The following GTF2IRD1 variants were observed in gnomAD, a reference collection of about 807,000 sequenced individuals.
The protein encoded by GTF2IRD1 is GTF2I repeat domain containing 1.
A neutral mutation model predicts 113.2 loss-of-function variants in GTF2IRD1; 26 were observed. The ratio of observed to expected loss-of-function variants is 0.23; its 90% CI spans 0.17 to 0.32. The LOEUF (loss-of-function observed/expected upper bound fraction) is 0.32. GTF2IRD1 is among the 10% of genes least tolerant of loss of function. The pLI, the probability that GTF2IRD1 is intolerant of heterozygous loss-of-function variation, is 1.00. For missense variants in GTF2IRD1, 864 were observed against 1,280.8 expected (o/e 0.67, Z 4.97); for synonymous variants, 484 against 529.1 (o/e 0.91, Z 1.17).
At chr7:74,546,673 T>G (rs1798961871) in intron 16 of GTF2IRD1, among the ~76,000 whole-genome samples, 1 of 152,062 alleles carries the variant, frequency 6.6e-6, no homozygotes, top group Non-Finnish European at 1.5e-5. Flanking sequence ...AGGCGTGGTG[T>G]TGTGCCACAG....
intron 1 of GTF2IRD1, among the ~76,000 whole-genome samples, chr7:74,481,891 G>A (rs112586471): frequency 1.9e-4 from 29 of 152,328 alleles, no homozygotes; most frequent in South Asian, 6.2e-4. Context: ...TCACCAAATC[G>A]CTTGGCTGGG....
intron 22 of GTF2IRD1, among the ~76,000 whole-genome samples, chr7:74,568,048 A>G (rs1204572814): frequency 2.4e-4 from 36 of 151,942 alleles, no homozygotes; most frequent in Non-Finnish European, 1.0e-4. Context: ...CAGCCTCCCA[A>G]AGTGCTGGGA....
At chr7:74,523,954 G>T (rs1426531276) in intron 7 of GTF2IRD1, 117 bp from the exon 8 acceptor site, 1 of 705,716 alleles carries the variant, frequency 1.4e-6, no homozygotes, top group South Asian at 1.6e-5. Flanking sequence ...TGGAAGGACT[G>T]GGGGCTGGGG....
At chr7:74,484,453 CTTTTTTT>C (rs1173256681) in intron 1 of GTF2IRD1, among the ~76,000 whole-genome samples, 1 of 126,102 alleles carries the variant, frequency 7.9e-6, no homozygotes, top group African/African-American at 3.1e-5. Context: ...GGCCATCCTT[CTTTTTTT>C]TTTTTTTTTT....
At chr7:74,552,868 C>T (rs1799392001) in intron 17 of GTF2IRD1, among the ~76,000 whole-genome samples, 1 of 152,134 alleles carries the variant, frequency 6.6e-6, no homozygotes, top group Admixed American at 6.6e-5. Flanking sequence ...GAGTCTCACT[C>T]ACTCTATTGC....
chr7:74,455,704 G>A (rs1411061063), intron 1 of GTF2IRD1, among the ~76,000 whole-genome samples: 1 of 152,278 alleles, frequency 6.6e-6, no homozygotes, highest in East Asian at 1.9e-4. Context: ...GACAGGCTTG[G>A]CCCCAAGGTG....
intron 1 of GTF2IRD1, among the ~76,000 whole-genome samples, chr7:74,485,173 AT>A (rs1286869555): frequency 1.3e-5 from 2 of 152,192 alleles, no homozygotes; most frequent in East Asian, 1.9e-4. Context: ...GCATCAAGGC[AT>A]CCTCTAGCTA....
intron 25 of GTF2IRD1, among the ~76,000 whole-genome samples, chr7:74,598,030 C>T (rs1802526520): frequency 6.6e-6 from 1 of 152,136 alleles, no homozygotes; most frequent in Non-Finnish European, 1.5e-5. Flanking sequence ...AAGCCTGGGC[C>T]ATAAAGTGAG....
intron 1 of GTF2IRD1, among the ~76,000 whole-genome samples, chr7:74,462,275 A>T (rs1276578316): frequency 6.6e-6 from 1 of 152,138 alleles, no homozygotes; most frequent in African/African-American, 2.4e-5. Context: ...AGGCTAAGGC[A>T]GGAGGATTGC....
At chr7:74,472,700 C>A (rs148733161) in intron 1 of GTF2IRD1, among the ~76,000 whole-genome samples, 471 of 152,268 alleles carry the variant, frequency 3.1e-3, no homozygotes, top group Non-Finnish European at 4.6e-3. Flanking sequence ...TGCAGTGAGC[C>A]GAGATCGCAC....
chr7:74,599,032 C>T (rs1353310755), intron 25 of GTF2IRD1, among the ~76,000 whole-genome samples: 16 of 152,128 alleles, frequency 1.1e-4, no homozygotes, highest in African/African-American at 2.4e-4. Flanking sequence ...CAGTGGCTCA[C>T]GCCTGTAATC....
At chr7:74,455,088 C>T (rs1792876402) in intron 1 of GTF2IRD1, among the ~76,000 whole-genome samples, 1 of 152,088 alleles carries the variant, frequency 6.6e-6, no homozygotes, top group African/African-American at 2.4e-5. Flanking sequence ...GGAGCTCTGG[C>T]GTCTGGCCTA....
chr7:74,566,355 T>G (rs1306816605), intron 22 of GTF2IRD1, among the ~76,000 whole-genome samples: 1 of 148,820 alleles, frequency 6.7e-6, no homozygotes, highest in Non-Finnish European at 1.5e-5. Flanking sequence ...CGTCACACTT[T>G]TTTTTGAGAC....
At chr7:74,510,895 A>G (rs1796592508) in intron 2 of GTF2IRD1, among the ~76,000 whole-genome samples, 1 of 152,010 alleles carries the variant, frequency 6.6e-6, no homozygotes, top group African/African-American at 2.4e-5. Flanking sequence ...CTGAAAATAC[A>G]AAAATTAGCC....
chr7:74,546,308 G>C (rs1298209538), intron 16 of GTF2IRD1, among the ~76,000 whole-genome samples: 1 of 148,156 alleles, frequency 6.7e-6, no homozygotes, highest in Admixed American at 6.9e-5. Flanking sequence ...TGCAACCTGC[G>C]CTTCCTGGGT....
chr7:74,499,027 G>A (rs1795877858), intron 1 of GTF2IRD1, among the ~76,000 whole-genome samples: 1 of 152,232 alleles, frequency 6.6e-6, no homozygotes, highest in African/African-American at 2.4e-5. Flanking sequence ...ATCGCACCCA[G>A]CCTGGTCCTG....
intron 22 of GTF2IRD1, among the ~76,000 whole-genome samples, chr7:74,568,359 G>A (rs375700194): frequency 1.4e-3 from 61 of 43,310 alleles, no homozygotes; most frequent in Non-Finnish European, 1.9e-3. Flanking sequence ...AAAAAAAGAA[G>A]GAGAAAGGGC....
chr7:74,458,179 A>G (rs1384954201), intron 1 of GTF2IRD1, among the ~76,000 whole-genome samples: 5 of 151,978 alleles, frequency 3.3e-5, no homozygotes, highest in Non-Finnish European at 7.4e-5. Flanking sequence ...TCCTGAGTTC[A>G]GTTTTGATTG....
At chr7:74,588,043 G>A (rs1248726063) in intron 22 of GTF2IRD1, among the ~76,000 whole-genome samples, 2 of 151,310 alleles carry the variant, frequency 1.3e-5, no homozygotes, top group Admixed American at 1.3e-4. Context: ...CATCTCCCCT[G>A]TACCACCCCA....
Sources: allele counts gnomAD v4.1 joint callset (sites outside exome capture counted in the v4.1 genomes callset), GRCh38; gene constraint gnomAD v4.1.1; transcripts MANE v1.5; gene names NCBI Gene and HGNC (gene_info 2026-07-23, HGNC 2026-07-21).